The following ABCA12 variants were observed in gnomAD, a reference collection of about 807,000 sequenced individuals.
The protein encoded by ABCA12 is ATP binding cassette subfamily A member 12.
A neutral mutation model predicts 293.5 loss-of-function variants in ABCA12; 156 were observed. That is an observed-to-expected ratio of 0.53 (90% CI 0.47 to 0.61). The LOEUF (loss-of-function observed/expected upper bound fraction) is 0.61. ABCA12 is among the 20% of genes least tolerant of loss of function. The pLI is 0.00. For missense variants in ABCA12, 2,797 were observed against 3,090.2 expected, an observed-to-expected ratio of 0.91 and a Z score of 2.25; for synonymous variants, 1,063 against 1,108.0, an observed-to-expected ratio of 0.96 and a Z score of 0.81.
intron 9 of ABCA12, chr2:215,030,090 T>C (rs1270279097): frequency 6.6e-6 from 1 of 152,206 alleles, no homozygotes; most frequent in Non-Finnish European, 1.5e-5. Flanking sequence ...AAGTATGGAA[T>C]TCTTCCTAAT....
intron 19 of ABCA12, 105 bp downstream of exon 19, chr2:215,007,622 T>A: frequency 7.1e-7 from 1 of 1,409,042 alleles, no homozygotes; most frequent in Non-Finnish European, 1.0e-6. Context: ...CAATTTAATC[T>A]GTTGAATACG....
chr2:215,101,540 A>T (rs1043901456), intron 2 of ABCA12, among the ~76,000 whole-genome samples: 1 of 152,214 alleles, frequency 6.6e-6, no homozygotes, highest in Non-Finnish European at 1.5e-5. Context: ...GAGAAAAGAC[A>T]AAGAAGAAAA....
intron 9 of ABCA12, among the ~76,000 whole-genome samples, chr2:215,027,329 G>C (rs541645888): frequency 6.6e-6 from 1 of 151,994 alleles, no homozygotes; most frequent in Admixed American, 6.6e-5. Flanking sequence ...CTGGGCGACA[G>C]AGCAAGACTC....
intron 11 of ABCA12, chr2:215,023,230 C>T (rs1002130107): frequency 6.6e-6 from 1 of 152,154 alleles, no homozygotes; most frequent in Non-Finnish European, 1.5e-5. Flanking sequence ...GTGATAGGTA[C>T]TGAGTGTTTC....
At chr2:214,943,876 G>C (rs1698489751) in intron 49 of ABCA12, among the ~76,000 whole-genome samples, 1 of 152,184 alleles carries the variant, frequency 6.6e-6, no homozygotes, top group South Asian at 2.1e-4. Flanking sequence ...GGCAAACTAT[G>C]ATATAAACAA....
intron 7 of ABCA12, 70 bp downstream of exon 7, chr2:215,045,767 C>T: frequency 7.2e-7 from 1 of 1,383,392 alleles, no homozygotes; most frequent in South Asian, 1.2e-5. Flanking sequence ...CAGTAATCAT[C>T]ACAGGTAACA....
chr2:215,050,369 G>A (rs1291146400), intron 5 of ABCA12, among the ~76,000 whole-genome samples: 2 of 152,116 alleles, frequency 1.3e-5, no homozygotes, highest in Admixed American at 6.6e-5. Flanking sequence ...AAACGTATGT[G>A]AAAATGTATA....
At position 214,932,567 on chromosome 2, in the gene ABCA12, A is replaced by G; in HGVS notation, c.*67T>C. 8.5e-7 allele frequency: 1 copy of G among 1,170,440 alleles called. No homozygotes were observed. The highest frequency in any genetic ancestry group is 1.3e-6 in the Non-Finnish European group (1 of 782,440). 72.5% of individuals were successfully genotyped at this position (1,170,440 alleles called of 1,614,324 possible). ...AAATGAAGATATCTTGCGGAAGTGT[A>G]TCTTCTGTGGCTTTTCTTCAAAATG... is the stretch of plus-strand genomic sequence containing the variant. On this transcript the variant is annotated 3_prime_UTR_variant, in exon 53 of 53. Transcript: ENST00000272895.
At chr2:215,096,966 C>G (rs1419688525) in intron 2 of ABCA12, among the ~76,000 whole-genome samples, 1 of 152,088 alleles carries the variant, frequency 6.6e-6, no homozygotes, top group Non-Finnish European at 1.5e-5. Context: ...TGTTAAGTAT[C>G]TGATACGCTA....
intron 1 of ABCA12, among the ~76,000 whole-genome samples, chr2:215,129,225 C>T (rs1702997144): frequency 6.6e-6 from 1 of 152,150 alleles, no homozygotes; most frequent in East Asian, 1.9e-4. Flanking sequence ...AGAGGGGAGT[C>T]TCCCTTTCCA....
intron 50 of ABCA12, among the ~76,000 whole-genome samples, chr2:214,938,699 A>G (rs1352943439): frequency 6.6e-6 from 1 of 152,142 alleles, no homozygotes; most frequent in African/African-American, 2.4e-5. Context: ...TTTGGTTTGC[A>G]TTTCTCTAAT....
At chr2:214,982,422 A>G in intron 29 of ABCA12, 39 bp from the exon 30 acceptor site, 1 of 1,543,274 alleles carries the variant, frequency 6.5e-7, no homozygotes, top group Non-Finnish European at 8.9e-7. Flanking sequence ...TTTTACAGAT[A>G]TACTATTTGA....
chr2:214,983,626 C>A, intron 29 of ABCA12, 21 bp downstream of exon 29: 1 of 1,609,306 alleles, frequency 6.2e-7, no homozygotes, highest in Non-Finnish European at 8.5e-7. Flanking sequence ...AACTTAGGTT[C>A]TCATTCCTGT....
intron 9 of ABCA12, among the ~76,000 whole-genome samples, chr2:215,028,503 G>C (rs1664231730): frequency 1.3e-5 from 2 of 152,110 alleles, no homozygotes; most frequent in African/African-American, 4.8e-5. Flanking sequence ...ACTATATTTG[G>C]TGGACTCAGA....
intron 50 of ABCA12, among the ~76,000 whole-genome samples, chr2:214,940,246 G>A (rs1698352921): frequency 6.6e-6 from 1 of 152,120 alleles, no homozygotes; most frequent in Non-Finnish European, 1.5e-5. Context: ...CATTGGTTCT[G>A]TTTATGTGAT....
Position 215,010,324 on chromosome 2 carries a change from G to T in ABCA12, c.2472+7C>A. 6.2e-7 allele frequency: 1 copy of T among 1,613,460 alleles called. No homozygotes were observed. Among genetic ancestry groups the T allele is most frequent in the Non-Finnish European group, 8.5e-7 (1 of 1,179,564 alleles). On this transcript the variant is annotated splice_region_variant and intron_variant, in intron 18 of 52. Coordinates refer to ENST00000272895, the MANE Select transcript of ABCA12 (RefSeq NM_173076.3). ...TCAAAATAGAAACTGAGTTATAATG[G>T]TCAAACCTTTTCCATTATTGCCTTT...
Position 214,947,318 on chromosome 2 carries a change from C to T in ABCA12, c.7239+104G>A, listed in dbSNP as rs534264725. ...CACAATAGCTAGCACATAGTGAGAC[C>T]TCAATAAATGTTGACTGCAATCATG... On this transcript the variant is annotated intron_variant, in intron 48 of 52. Coordinates refer to ENST00000272895, the MANE Select transcript of ABCA12 (RefSeq NM_173076.3). 42 of 1,527,776 alleles carry T rather than the reference C, an allele frequency of 2.7e-5. 1 individual carries two copies. The South Asian group carries it at 4.5e-4, about 16-fold the overall frequency. 94.6% of individuals were successfully genotyped at this position (1,527,776 alleles called of 1,614,324 possible). A position where few individuals can be genotyped will look rare whatever the true frequency, so the allele number is the denominator to read the frequency against.
chr2:215,055,263 G>A (rs1055770589), intron 3 of ABCA12, among the ~76,000 whole-genome samples: 4 of 152,016 alleles, frequency 2.6e-5, no homozygotes, highest in South Asian at 2.1e-4. Flanking sequence ...AATGTGTCAA[G>A]GCAGTAATAA....
In ABCA12 at chr2:215,111,603, G is replaced by A. The variant is rs1702571262; in HGVS notation, c.157C>T (p.Pro53Ser). 6.2e-7 allele frequency: 1 copy of A among 1,606,760 alleles called. No homozygotes were observed. ...TRTKFPPTAK[P>S]TCYLAPRNLP... ...ACAAATGTCATTTACTTACAAGTTGGTTTTGCAGTTGGAGGAAATTTGGTC... is the reference window on the plus strand; with the variant it reads ...ACAAATGTCATTTACTTACAAGTTGATTTTGCAGTTGGAGGAAATTTGGTC... The change falls in exon 2 of 53, where the codon CCA becomes TCA. Residue 53 changes from proline (P) to serine (S), a missense_variant. Physicochemically the swap from Pro to Ser is moderately conservative, Grantham distance 74. Around this residue, in one of 3 missense-constraint regions of ABCA12, gnomAD observed 656 missense variants for 638.2 expected, o/e 1.03. Coordinates refer to ENST00000272895, the MANE Select transcript of ABCA12 (RefSeq NM_173076.3).
Sources: allele counts gnomAD v4.1 joint callset (sites outside exome capture counted in the v4.1 genomes callset), GRCh38; gene constraint gnomAD v4.1.1; regional missense constraint gnomAD v4.1.1; transcripts MANE v1.5; gene names NCBI Gene and HGNC (gene_info 2026-07-23, HGNC 2026-07-21).